Variants in TMEM135 observed in about 807,000 individuals in gnomAD.
The protein encoded by TMEM135 is peroxisomal membrane protein 52.
In TMEM135, 30 loss-of-function variants were observed where a neutral mutation model predicts 60.3. The observed-to-expected ratio is 0.50, with a 90% CI of 0.37 to 0.68. TMEM135 has a LOEUF of 0.68. TMEM135 is among the 30% of genes least tolerant of loss of function. The pLI is 0.00. For synonymous variants in TMEM135, 190 were observed against 186.7 expected, an observed-to-expected ratio of 1.02 and a Z score of -0.14; for missense variants, 468 against 548.8, an observed-to-expected ratio of 0.85 and a Z score of 1.47.
chr11:87,037,963 A>T lies in TMEM135; in HGVS notation c.-83A>T. ...CGCACCTCCGAGTGCTGGCCGGGCG[A>T]GAGGCTGGCGGCTGGGCTCTCGCGC... On this transcript the variant is annotated 5_prime_UTR_variant, in exon 1 of 15. Transcript: ENST00000305494. 1 of 1,597,538 alleles carries T rather than the reference A, an allele frequency of 6.3e-7. No homozygotes were observed. Among genetic ancestry groups the T allele is most frequent in the Non-Finnish European group, 8.5e-7 (1 of 1,172,440 alleles).
chr11:87,042,972 TG>T (rs1235345370), intron 1 of TMEM135, among the ~76,000 whole-genome samples: 1 of 151,520 alleles, frequency 6.6e-6, no homozygotes, highest in Non-Finnish European at 1.5e-5. Flanking sequence ...TTTTTTTTTT[TG>T]AGACAGAGTT....
At chr11:87,177,527 A>G (rs886526802) in intron 5 of TMEM135, among the ~76,000 whole-genome samples, 5 of 152,196 alleles carry the variant, frequency 3.3e-5, no homozygotes, top group African/African-American at 9.7e-5. Flanking sequence ...GAAAGTGTGT[A>G]ATTCAGTAAT....
At chr11:87,276,558 T>TTGTG (rs199780176) in intron 6 of TMEM135, among the ~76,000 whole-genome samples, 78 of 148,866 alleles carry the variant, frequency 5.2e-4, no homozygotes, top group South Asian at 1.5e-3. Flanking sequence ...ATAAGAGTGT[T>TTGTG]TGTGTGTGTG....
intron 5 of TMEM135, among the ~76,000 whole-genome samples, chr11:87,200,215 A>T (rs1197405497): frequency 6.6e-6 from 1 of 152,160 alleles, no homozygotes; most frequent in Non-Finnish European, 1.5e-5. Context: ...TAGCTTACTC[A>T]CCTAAATAGT....
At chr11:87,146,523 C>T (rs1453186691) in intron 4 of TMEM135, among the ~76,000 whole-genome samples, 2 of 152,114 alleles carry the variant, frequency 1.3e-5, no homozygotes, top group African/African-American at 2.4e-5. Flanking sequence ...AGGCTACTTC[C>T]GTGTGTGAGC....
intron 1 of TMEM135, 71 bp from the exon 2 acceptor site, chr11:87,067,623 G>A: frequency 6.3e-7 from 1 of 1,588,604 alleles, no homozygotes; most frequent in Non-Finnish European, 8.6e-7. Flanking sequence ...TTATACAGTA[G>A]CTTCCACATA....
intron 6 of TMEM135, among the ~76,000 whole-genome samples, chr11:87,285,545 G>A (rs1044554554): frequency 2.0e-5 from 3 of 152,000 alleles, no homozygotes; most frequent in Non-Finnish European, 4.4e-5. Context: ...GGAGTTGTTC[G>A]TTCCTCCCAC....
chr11:87,133,756 T>A (rs538049833), intron 4 of TMEM135, among the ~76,000 whole-genome samples: 26 of 152,116 alleles, frequency 1.7e-4, no homozygotes, highest in African/African-American at 5.5e-4. Flanking sequence ...TAGTTTGCAT[T>A]TTCTGGAGTT....
intron 4 of TMEM135, among the ~76,000 whole-genome samples, chr11:87,106,589 A>T (rs769752690): frequency 1.3e-5 from 2 of 152,034 alleles, no homozygotes; most frequent in African/African-American, 4.8e-5. Flanking sequence ...GAGTTTGGGC[A>T]TATTCCTTCT....
At chr11:87,042,255 T>C (rs1451421650) in intron 1 of TMEM135, among the ~76,000 whole-genome samples, 2 of 152,240 alleles carry the variant, frequency 1.3e-5, no homozygotes, top group Non-Finnish European at 2.9e-5. Flanking sequence ...AGATTCTTCT[T>C]GGCCTCTCTG....
At chr11:87,127,854 T>G (rs1316915333) in intron 4 of TMEM135, among the ~76,000 whole-genome samples, 1 of 144,376 alleles carries the variant, frequency 6.9e-6, no homozygotes, top group Non-Finnish European at 1.5e-5. Context: ...ATTTGTAACT[T>G]AATGTAAATA....
intron 7 of TMEM135, among the ~76,000 whole-genome samples, chr11:87,296,074 A>G (rs1338385940): frequency 6.6e-6 from 1 of 152,216 alleles, no homozygotes. Context: ...ATTTGAAAAG[A>G]AATACAAGAA....
At chr11:87,181,273 T>C (rs1209379887) in intron 5 of TMEM135, among the ~76,000 whole-genome samples, 1 of 152,082 alleles carries the variant, frequency 6.6e-6, no homozygotes, top group Non-Finnish European at 1.5e-5. Flanking sequence ...ATAGAAATTA[T>C]AATATCTGAA....
At chr11:87,321,074 A>G (rs572246169) in intron 14 of TMEM135, 127 bp from the exon 15 acceptor site, 2 of 777,294 alleles carry the variant, frequency 2.6e-6, no homozygotes, top group South Asian at 4.0e-5. Flanking sequence ...TCTGCCATTG[A>G]ATTTAGATCC....
At chr11:87,314,812 C>G (rs111756216) in intron 12 of TMEM135, among the ~76,000 whole-genome samples, 112 of 151,886 alleles carry the variant, frequency 7.4e-4, no homozygotes, top group African/African-American at 2.6e-3. Flanking sequence ...CTCCTTTCAT[C>G]TATACTCCTC....
chr11:87,216,377 A>G (rs529147), intron 5 of TMEM135, among the ~76,000 whole-genome samples: 19,754 of 151,846 alleles, frequency 0.13, 1,334 homozygotes, highest in Non-Finnish European at 0.15. Context: ...TTTGAGAAGC[A>G]AGTGCAGGGG....
chr11:87,107,880 A>G (rs1310009735), intron 4 of TMEM135, among the ~76,000 whole-genome samples: 2 of 152,180 alleles, frequency 1.3e-5, no homozygotes, highest in East Asian at 3.9e-4. Flanking sequence ...TCCCACCAAC[A>G]GTGTAAAAGT....
intron 5 of TMEM135, among the ~76,000 whole-genome samples, chr11:87,200,540 G>A (rs1377977237): frequency 6.6e-6 from 1 of 152,120 alleles, no homozygotes; most frequent in Admixed American, 6.5e-5. Flanking sequence ...TCCCCAGTGT[G>A]CACAGACTCC....
At position 87,068,667 on chromosome 11, in the gene TMEM135, C is replaced by A. The variant is rs545324225; in HGVS notation, c.269+846C>A. ...CTACTAAAAAGTACAAAAAATTAGC[C>A]GGGCGTGGTGGTGGGCGCCTGTAGT... On this transcript the variant is annotated intron_variant, in intron 2 of 14. Transcript: ENST00000305494. 8.6e-5 allele frequency among the ~76,000 whole-genome samples: 13 copies of A among 151,894 alleles called. No homozygotes were observed. In the South Asian group the frequency reaches 1.0e-3, roughly 12 times the overall value.
Sources: gnomAD v4.1 joint callset for allele counts (sites outside exome capture counted in the v4.1 genomes callset) on GRCh38, gnomAD v4.1.1 for gene constraint, MANE v1.5 for transcripts, NCBI Gene and HGNC (gene_info 2026-07-23, HGNC 2026-07-21) for gene names.